Variants in ME3 observed in about 807,000 individuals in gnomAD.
The protein encoded by ME3 is malic enzyme 3.
Under a neutral mutation model 68.9 loss-of-function variants are expected in ME3, and 48 were observed. The observed-to-expected ratio is 0.70, with a 90% CI of 0.55 to 0.89. The LOEUF (loss-of-function observed/expected upper bound fraction) is 0.89. Among genes scored for constraint, ME3 ranks in the 40% least tolerant of loss-of-function variants. The pLI, the probability that ME3 is intolerant of heterozygous loss-of-function variation, is 0.00. For missense variants in ME3, 675 were observed against 797.4 expected, an observed-to-expected ratio of 0.85 and a Z score of 1.85; for synonymous variants, 320 against 318.8, an observed-to-expected ratio of 1.00 and a Z score of -0.04.
intron 4 of ME3, among the ~76,000 whole-genome samples, chr11:86,556,259 T>C (rs113259115): frequency 5.3e-5 from 8 of 152,322 alleles, no homozygotes; most frequent in African/African-American, 1.7e-4. Context: ...GACAGGTAGA[T>C]AATGAGAGAA....
intron 2 of ME3, among the ~76,000 whole-genome samples, chr11:86,664,063 G>C (rs1946444677): frequency 1.3e-5 from 2 of 152,216 alleles, no homozygotes; most frequent in African/African-American, 4.8e-5. Context: ...AGCTTGAAAG[G>C]AGACGACTTC....
intron 4 of ME3, among the ~76,000 whole-genome samples, chr11:86,534,081 G>GTGTATA (rs1361825219): frequency 7.8e-6 from 1 of 127,520 alleles, no homozygotes; most frequent in African/African-American, 3.2e-5. Context: ...GTGTGTGTGT[G>GTGTATA]TATATATATA....
chr11:86,617,355 T>G (rs1943048177), intron 2 of ME3, among the ~76,000 whole-genome samples: 1 of 152,134 alleles, frequency 6.6e-6, no homozygotes, highest in African/African-American at 2.4e-5. Context: ...TTCCAATTCT[T>G]AGTTTCCTCT....
chr11:86,619,122 C>T (rs1565223915), intron 2 of ME3, among the ~76,000 whole-genome samples: 1 of 152,202 alleles, frequency 6.6e-6, no homozygotes, highest in Non-Finnish European at 1.5e-5. Context: ...TGAGTAAAAG[C>T]TCCCTGAGGC....
chr11:86,497,879 T>C (rs1952465065), intron 6 of ME3, 84 bp downstream of exon 6: 5 of 1,439,308 alleles, frequency 3.5e-6, no homozygotes, highest in East Asian at 2.4e-5. Flanking sequence ...GCTGTGTAGA[T>C]ATAACCACCC....
intron 2 of ME3, among the ~76,000 whole-genome samples, chr11:86,657,092 G>A (rs189570272): frequency 4.5e-4 from 69 of 152,244 alleles, no homozygotes; most frequent in South Asian, 3.7e-3. Context: ...TAGAAATACC[G>A]TTTGACCCAG....
At chr11:86,534,081 G>GTGTA (rs1361825219) in intron 4 of ME3, among the ~76,000 whole-genome samples, 7 of 127,522 alleles carry the variant, frequency 5.5e-5, no homozygotes, top group African/African-American at 2.2e-4. Context: ...GTGTGTGTGT[G>GTGTA]TATATATATA....
At chr11:86,439,526 A>G (rs1320670926), downstream of ME3, among the ~76,000 whole-genome samples, 2 of 152,238 alleles carry the variant, frequency 1.3e-5, no homozygotes, top group Non-Finnish European at 2.9e-5. Flanking sequence ...AGAGTGAACT[A>G]AAATTTAATC....
At chr11:86,658,839 C>T (rs1198114872) in intron 2 of ME3, among the ~76,000 whole-genome samples, 3 of 152,126 alleles carry the variant, frequency 2.0e-5, no homozygotes, top group Non-Finnish European at 4.4e-5. Flanking sequence ...TGTTTCAGCT[C>T]TGATGGGTGG....
Position 86,457,376 on chromosome 11 carries a change from G to C in ME3, c.920-6978C>G, listed in dbSNP as rs761816631. The C allele has an allele frequency of 6.0e-4, 230 of 385,926 alleles. 1 individual carries two copies. Among genetic ancestry groups the C allele is most frequent in the Non-Finnish European group, 7.6e-4 (211 of 275,874 alleles). The allele number at this position is 385,926 out of a possible 1,614,324, so 23.9% of individuals were successfully genotyped here. A position where few individuals can be genotyped will look rare whatever the true frequency, so the allele number is the denominator to read the frequency against. ...AAATGACTGACCCACCTCTTGTCAG[G>C]GTCCCCAAGTACCTCCAGGTGGCCA... On this transcript the variant is annotated intron_variant, in intron 8 of 14. Transcript: ENST00000543262.
At chr11:86,628,099 T>A (rs1943776947) in intron 2 of ME3, among the ~76,000 whole-genome samples, 1 of 152,198 alleles carries the variant, frequency 6.6e-6, no homozygotes, top group Non-Finnish European at 1.5e-5. Flanking sequence ...ATGGTAGACA[T>A]CTTTTGGGTG....
chr11:86,502,222 GAACAGTTCAAAA>G (rs144282841), intron 5 of ME3, among the ~76,000 whole-genome samples: 2,714 of 152,216 alleles, frequency 0.018, 86 homozygotes, highest in African/African-American at 0.061. Flanking sequence ...ATGTTTCAAG[GAACAGTTCAAAA>G]AGCATTTCCC....
chr11:86,527,980 G>A (rs1954897359), intron 4 of ME3, among the ~76,000 whole-genome samples: 1 of 152,132 alleles, frequency 6.6e-6, no homozygotes, highest in African/African-American at 2.4e-5. Flanking sequence ...ACATCATAAT[G>A]ACAAGATCAA....
intron 2 of ME3, among the ~76,000 whole-genome samples, chr11:86,618,999 G>A (rs907935846): frequency 1.3e-5 from 2 of 152,126 alleles, no homozygotes; most frequent in African/African-American, 4.8e-5. Flanking sequence ...ATAAGCCACC[G>A]TGCCTGGCCA....
chr11:86,608,852 G>T (rs902164447), intron 2 of ME3, among the ~76,000 whole-genome samples: 2 of 152,164 alleles, frequency 1.3e-5, no homozygotes, highest in Admixed American at 1.3e-4. Context: ...TTGGTGCAAT[G>T]AAGAAAGTAA....
chr11:86,650,315 G>A (rs1181219610), intron 2 of ME3, among the ~76,000 whole-genome samples: 2 of 152,226 alleles, frequency 1.3e-5, no homozygotes, highest in South Asian at 2.1e-4. Context: ...ACTCAAAATG[G>A]ATTAAATATT....
chr11:86,551,847 G>A (rs530301646), intron 4 of ME3, among the ~76,000 whole-genome samples: 1 of 152,282 alleles, frequency 6.6e-6, no homozygotes, highest in East Asian at 1.9e-4. Context: ...TTTCCACAGA[G>A]CTTCCGACTA....
intron 7 of ME3, among the ~76,000 whole-genome samples, chr11:86,466,318 A>G (rs1046511169): frequency 1.1e-4 from 16 of 152,224 alleles, no homozygotes; most frequent in African/African-American, 3.9e-4. Context: ...ATACATGGAT[A>G]AAAATAGGTT....
At chr11:86,570,421 G>A (rs1318308537) in intron 2 of ME3, among the ~76,000 whole-genome samples, 1 of 152,022 alleles carries the variant, frequency 6.6e-6, no homozygotes, top group East Asian at 1.9e-4. Context: ...AGGGTGATGG[G>A]GATTCTGGTT....
Sources: gnomAD v4.1 joint callset for allele counts (sites outside exome capture counted in the v4.1 genomes callset) on GRCh38, gnomAD v4.1.1 for gene constraint, MANE v1.5 for transcripts, NCBI Gene and HGNC (gene_info 2026-07-23, HGNC 2026-07-21) for gene names.